Variants in CSMD1 observed in about 807,000 individuals in gnomAD.
CSMD1 encodes CUB and Sushi multiple domains 1.
CSMD1 carries 213 observed loss-of-function variants against 417.5 expected under a neutral mutation model. The observed-to-expected ratio is 0.51, with a 90% CI of 0.46 to 0.57. The LOEUF is 0.57. CSMD1 is among the 20% of genes least tolerant of loss of function. The pLI, the probability that CSMD1 is intolerant of heterozygous loss-of-function variation, is 0.00. For synonymous variants in CSMD1, 2,862 were observed against 1,736.8 expected (o/e 1.65, Z -16.11); for missense variants, 6,923 against 4,529.7 (o/e 1.53, Z -15.17).
At chr8:4,947,567 C>G (rs1450197064) in intron 1 of CSMD1, among the ~76,000 whole-genome samples, 1 of 152,048 alleles carries the variant, frequency 6.6e-6, no homozygotes, top group Non-Finnish European at 1.5e-5. Context: ...TATAAATTAA[C>G]TTGTATGAAA....
intron 5 of CSMD1, among the ~76,000 whole-genome samples, chr8:3,964,249 C>A (rs550343427): frequency 8.5e-5 from 13 of 152,264 alleles, no homozygotes; most frequent in Non-Finnish European, 1.9e-4. Context: ...CTTTTTGTGG[C>A]TATCCCTCCT....
At chr8:4,345,118 A>C (rs113380897) in intron 3 of CSMD1, among the ~76,000 whole-genome samples, 3 of 152,258 alleles carry the variant, frequency 2.0e-5, no homozygotes, top group African/African-American at 7.2e-5. Flanking sequence ...AGGGGAGCTA[A>C]ACCTGTCAGT....
chr8:3,631,245 T>C (rs1489206649), intron 7 of CSMD1, among the ~76,000 whole-genome samples: 1 of 152,176 alleles, frequency 6.6e-6, no homozygotes, highest in Non-Finnish European at 1.5e-5. Flanking sequence ...TCACAAACTG[T>C]ATCCTTCGTC....
rs947745578 is a variant in CSMD1 at position 3,911,795 on chromosome 8, A to C, written c.818+86108T>G. 5.3e-5 allele frequency among the ~76,000 whole-genome samples: 8 copies of C among 152,144 alleles called. 1 individual carries two copies. Among genetic ancestry groups the C allele is most frequent in the Admixed American group, 3.9e-4 (6 of 15,282 alleles). ...CAGCCTCATTTCTCAATAGACTGAA[A>C]CTTGTAAATTCTGTCTAATTAAACT... On this transcript the variant is annotated intron_variant, in intron 5 of 69. Coordinates refer to ENST00000635120, the MANE Select transcript of CSMD1 (RefSeq NM_033225.6).
At chr8:4,066,533 T>C (rs1361458179) in intron 3 of CSMD1, among the ~76,000 whole-genome samples, 2 of 152,216 alleles carry the variant, frequency 1.3e-5, no homozygotes, top group Non-Finnish European at 2.9e-5. Context: ...TAAATGTATC[T>C]ACCTGAAATT....
At chr8:4,909,539 A>G (rs1805522406) in intron 1 of CSMD1, among the ~76,000 whole-genome samples, 1 of 152,134 alleles carries the variant, frequency 6.6e-6, no homozygotes, top group Non-Finnish European at 1.5e-5. Context: ...GATCTAGGAT[A>G]CTTCACAATG....
intron 5 of CSMD1, among the ~76,000 whole-genome samples, chr8:3,891,676 T>A (rs141798997): frequency 0.019 from 2,455 of 127,378 alleles, 63 homozygotes; most frequent in African/African-American, 0.057. Flanking sequence ...AAGCAAGACC[T>A]TGTCTCAAAA....
chr8:4,885,704 A>T (rs992845434), intron 1 of CSMD1, among the ~76,000 whole-genome samples: 4 of 151,438 alleles, frequency 2.6e-5, no homozygotes, highest in African/African-American at 9.7e-5. Context: ...TAGAGATATA[A>T]TAAAGATATA....
intron 26 of CSMD1, among the ~76,000 whole-genome samples, chr8:3,261,804 C>G (rs898162561): frequency 2.0e-5 from 3 of 152,082 alleles, no homozygotes; most frequent in African/African-American, 4.8e-5. Context: ...GATCAAAAGT[C>G]TGGAAGTACA....
intron 1 of CSMD1, among the ~76,000 whole-genome samples, chr8:4,653,205 A>G (rs917843177): frequency 6.6e-6 from 1 of 152,082 alleles, no homozygotes. Context: ...AGGCAATTTT[A>G]GAGATAAAGC....
At chr8:2,984,699 T>C (rs996475613) in intron 54 of CSMD1, among the ~76,000 whole-genome samples, 3 of 152,280 alleles carry the variant, frequency 2.0e-5, no homozygotes, top group South Asian at 4.1e-4. Flanking sequence ...GATGAGCAAA[T>C]AGAAGTTGTC....
At chr8:3,643,166 G>C (rs1210560109) in intron 7 of CSMD1, among the ~76,000 whole-genome samples, 2 of 152,002 alleles carry the variant, frequency 1.3e-5, no homozygotes, top group African/African-American at 2.4e-5. Context: ...TTATAAGTGA[G>C]AGCCACATCC....
chr8:3,089,895 G>C lies in CSMD1; in HGVS notation c.7285+1621C>G, dbSNP rs981999578. ...TAGAAATCATTGTTCTCACAATTGA[G>C]GATATAATCATATCACCAGGCTACT... On this transcript the variant is annotated intron_variant, in intron 48 of 69. Transcript: ENST00000635120. Among the ~76,000 whole-genome samples, 5 of 152,048 alleles carry C rather than the reference G, an allele frequency of 3.3e-5. 1 individual carries two copies. The highest frequency in any genetic ancestry group is 7.2e-5 in the African/African-American group (3 of 41,382).
intron 41 of CSMD1, among the ~76,000 whole-genome samples, chr8:3,120,818 G>C (rs1173428745): frequency 6.6e-6 from 1 of 152,078 alleles, no homozygotes; most frequent in Non-Finnish European, 1.5e-5. Flanking sequence ...CTGCACTCCA[G>C]CCTGGCGACA....
intron 1 of CSMD1, among the ~76,000 whole-genome samples, chr8:4,918,409 G>A (rs1306117002): frequency 1.3e-5 from 2 of 152,230 alleles, no homozygotes; most frequent in East Asian, 1.9e-4. Flanking sequence ...GCCGATTCTT[G>A]CACAATATCC....
At chr8:4,808,078 GTCCTTATT>G in intron 1 of CSMD1, among the ~76,000 whole-genome samples, 1 of 152,126 alleles carries the variant, frequency 6.6e-6, no homozygotes, top group African/African-American at 2.4e-5. Context: ...TGGGCTCAAT[GTCCTTATT>G]AGCATGCTTA....
chr8:4,486,204 CATATATATATATATATATATACATACAT>C (rs1801394081), intron 2 of CSMD1, among the ~76,000 whole-genome samples: 12 of 16,916 alleles, frequency 7.1e-4, no homozygotes, highest in South Asian at 6.0e-3. Context: ...TATATACATA[CATATATATATATATATATATACATACAT>C]ATATATATAT....
chr8:4,220,587 G>A (rs948504395), intron 3 of CSMD1, among the ~76,000 whole-genome samples: 1 of 152,184 alleles, frequency 6.6e-6, no homozygotes, highest in African/African-American at 2.4e-5. Flanking sequence ...GCTTTTCCTA[G>A]AGTGATAAGG....
chr8:3,932,758 A>G (rs1217794351), intron 5 of CSMD1, among the ~76,000 whole-genome samples: 2 of 150,530 alleles, frequency 1.3e-5, no homozygotes, highest in African/African-American at 4.9e-5. Context: ...TAAACCACTA[A>G]TAACCATAAA....
Sources: allele counts gnomAD v4.1 joint callset (sites outside exome capture counted in the v4.1 genomes callset), GRCh38; gene constraint gnomAD v4.1.1; transcripts MANE v1.5; gene names NCBI Gene and HGNC (gene_info 2026-07-23, HGNC 2026-07-21).